The following RPL22L1 variants were observed in gnomAD, a reference collection of about 807,000 sequenced individuals.
RPL22L1 encodes the protein ribosomal protein eL22-like.
RPL22L1 carries 19 observed loss-of-function variants against 17.3 expected under a neutral mutation model. The observed-to-expected ratio is 1.10, with a 90% CI of 0.77 to 1.61. The LOEUF is 1.61. RPL22L1 is among the 40% of genes most tolerant of loss of function. The pLI is 0.00. For missense variants in RPL22L1, 139 were observed against 144.4 expected (o/e 0.96, Z 0.19); for synonymous variants, 48 against 48.5 (o/e 0.99, Z 0.05).
Position 170,866,399 on chromosome 3 carries a change from T to G in RPL22L1, c.350A>C (p.Glu117Ala). Residue 117 changes from glutamate (E) to alanine (A), a missense_variant, in exon 4 of 4, where the codon GAA (glutamate) becomes GCA (alanine). By Grantham distance (107) the Glu-to-Ala change is moderately radical. Coordinates refer to ENST00000295830, the MANE Select transcript of RPL22L1 (RefSeq NM_001099645.2). ...CTTTGCCTAGTCCTCCGACTCTGAT[T>G]CATCTTCATCTTGACTAATCTGGAA... ...RYFQISQDED[E>A]SESED is the part of the protein sequence containing the mutation. The G allele has an allele frequency of 6.2e-7, 1 of 1,606,168 alleles. No homozygotes were observed. Among genetic ancestry groups the G allele is most frequent in the South Asian group, 1.1e-5 (1 of 89,266 alleles).
chr3:170,870,059 A>C, intron 1 of RPL22L1, 100 bp downstream of exon 1: 2 of 1,559,726 alleles, frequency 1.3e-6, no homozygotes, highest in Non-Finnish European at 1.8e-6. Flanking sequence ...CCCTCCCTTT[A>C]TCTTGACTGA....
At position 170,868,129 on chromosome 3, in the gene RPL22L1, T is replaced by C. The variant is rs765988608; in HGVS notation, c.108A>G (p.Gln36=). 1.6e-5 allele frequency: 25 copies of C among 1,604,586 alleles called. No individual in the cohort carries two copies. Among genetic ancestry groups the C allele is most frequent in the East Asian group, 9.0e-5 (4 of 44,684 alleles). ...DGIFDSGNFE[Q]FLREKVKVNG... The stretch of plus-strand genomic sequence containing the variant: ...TGACTTTAACCTTCTCCCGTAGAAA[T>C]TGCTCCTATTTTAAAACAGAAAAAA... The change falls in exon 3 of 4, where the codon CAA becomes CAG. Residue 36 remains glutamine, a synonymous_variant. Coordinates refer to ENST00000295830, the MANE Select transcript of RPL22L1 (RefSeq NM_001099645.2).
At chr3:170,867,911 A>G (rs1711830615) in intron 3 of RPL22L1, 102 bp downstream of exon 3, 5 of 985,076 alleles carry the variant, frequency 5.1e-6, no homozygotes, top group Admixed American at 2.9e-5. Context: ...TCTAAAGTTC[A>G]TATTTATTCT....
intron 1 of RPL22L1, 123 bp from the exon 2 acceptor site, chr3:170,868,513 G>A (rs1711858001): frequency 1.7e-6 from 1 of 583,056 alleles, no homozygotes; most frequent in Non-Finnish European, 3.0e-6. Flanking sequence ...ATACAGAAAT[G>A]TAACAATAAA....
intron 3 of RPL22L1, among the ~76,000 whole-genome samples, chr3:170,867,493 C>T (rs576728491): frequency 6.6e-6 from 1 of 152,294 alleles, no homozygotes; most frequent in South Asian, 2.1e-4. Flanking sequence ...TTCACTCTCT[C>T]TTCTCCACTA....
chr3:170,868,823 A>G (rs1473972033), intron 1 of RPL22L1, among the ~76,000 whole-genome samples: 1 of 149,904 alleles, frequency 6.7e-6, no homozygotes, highest in Admixed American at 6.6e-5. Context: ...AAAAAAGAAA[A>G]GAAAAGAAAA....
At chr3:170,869,113 C>CA (rs35400944) in intron 1 of RPL22L1, among the ~76,000 whole-genome samples, 37,892 of 130,332 alleles carry the variant, frequency 0.29, 5,021 homozygotes, top group Middle Eastern at 0.38. Flanking sequence ...GACTCTGTCT[C>CA]AAAAAAAAAA....
chr3:170,870,075 C>T (rs1224642964), intron 1 of RPL22L1, 84 bp downstream of exon 1: 1 of 1,594,152 alleles, frequency 6.3e-7, no homozygotes. Flanking sequence ...ACTGAGACGT[C>T]TCCACTCGAC....
intron 3 of RPL22L1, 112 bp downstream of exon 3, chr3:170,867,901 T>C (rs1388792381): frequency 1.1e-6 from 1 of 906,626 alleles, no homozygotes; most frequent in East Asian, 2.7e-5. Flanking sequence ...AGGCCTTTAG[T>C]CTAAAGTTCA....
intron 3 of RPL22L1, among the ~76,000 whole-genome samples, chr3:170,866,962 T>C (rs1711792369): frequency 6.6e-6 from 1 of 152,210 alleles, no homozygotes; most frequent in African/African-American, 2.4e-5. Flanking sequence ...CTGAAAATTC[T>C]TGGGCTCTCT....
rs770542430 is a variant in RPL22L1 at position 170,866,383 on chromosome 3, G to A, written c.366C>T (p.Asp122=). ...GCCCTGTAAGGGGAGCCTTTGCCTAGTCCTCCGACTCTGATTCATCTTCAT... is the reference window on the plus strand; with the variant it reads ...GCCCTGTAAGGGGAGCCTTTGCCTAATCCTCCGACTCTGATTCATCTTCAT... ...SQDEDESESE[D] The change falls in exon 4 of 4, where the codon GAC becomes GAT. Residue 122 remains aspartate (D), a synonymous_variant. Transcript: ENST00000295830. The A allele has an allele frequency of 1.2e-6, 2 of 1,602,294 alleles. No individual in the cohort carries two copies. The highest frequency in any genetic ancestry group is 1.3e-5 in the African/African-American group (1 of 74,708).
In RPL22L1 at chr3:170,870,185, A is replaced by G. The variant is rs1711944625; in HGVS notation, c.-18T>C. 6.2e-7 allele frequency: 1 copy of G among 1,613,604 alleles called. No homozygotes were observed. The highest frequency in any genetic ancestry group is 1.3e-5 in the African/African-American group (1 of 74,812). The stretch of plus-strand genomic sequence containing the variant: ...GGCGCCATCTTGCGAGTCGGCCGCG[A>G]GAGCAGAGAGGAAGCTACGGCCGCG... On this transcript the variant is annotated 5_prime_UTR_variant, in exon 1 of 4. Coordinates refer to ENST00000295830, the MANE Select transcript of RPL22L1 (RefSeq NM_001099645.2).
In RPL22L1 at chr3:170,865,377, T is replaced by C. The variant is rs1439603892; in HGVS notation, c.*1003A>G. ...ACAAAAAGGCACATCATTCTTGTCC[T>C]CCCTAATCTCCTGCAGTATGGATTT... On this transcript the variant is annotated 3_prime_UTR_variant, in exon 4 of 4. Coordinates refer to ENST00000295830, the MANE Select transcript of RPL22L1 (RefSeq NM_001099645.2). 1.3e-5 allele frequency: 2 copies of C among 152,200 alleles called. No homozygotes were observed. Among genetic ancestry groups the C allele is most frequent in the Admixed American group, 1.3e-4 (2 of 15,276 alleles). The allele number at this position is 152,200 out of a possible 1,614,324, so 9.4% of individuals were successfully genotyped here. A position where few individuals can be genotyped will look rare whatever the true frequency, so the allele number is the denominator to read the frequency against.
chr3:170,867,052 GCTA>G (rs1020712677), intron 3 of RPL22L1, among the ~76,000 whole-genome samples: 16 of 152,024 alleles, frequency 1.1e-4, no homozygotes, highest in East Asian at 1.9e-4. Flanking sequence ...AGCTACTACA[GCTA>G]CTACATTTTT....
intron 3 of RPL22L1, among the ~76,000 whole-genome samples, chr3:170,867,385 T>A (rs1007613472): frequency 3.9e-5 from 6 of 152,160 alleles, no homozygotes; most frequent in African/African-American, 1.4e-4. Context: ...AAGGCTCACT[T>A]CTGCATTTCA....
In RPL22L1 at chr3:170,870,086, A is replaced by G. The variant is rs1711938129; in HGVS notation, c.9+73T>C. The G allele has an allele frequency of 1.9e-6, 3 of 1,608,946 alleles. No homozygotes were observed. In the South Asian group the frequency reaches 3.3e-5, roughly 18 times the overall value. ...CTTGACTGAGACGTCTCCACTCGAC[A>G]GATGCAAAAATCGTTACAGCGGAAA... On this transcript the variant is annotated intron_variant, in intron 1 of 3. Coordinates refer to ENST00000295830, the MANE Select transcript of RPL22L1 (RefSeq NM_001099645.2).
Position 170,866,345 on chromosome 3 carries a change from A to G in RPL22L1, c.*35T>C, listed in dbSNP as rs911836927. Reference sequence around the variant, plus strand: ...TTCTCATGTATACTTCATTTATTTTATTAATAAGCAAAGCCCTGTAAGGGG... The same window carrying G: ...TTCTCATGTATACTTCATTTATTTTGTTAATAAGCAAAGCCCTGTAAGGGG... On this transcript the variant is annotated 3_prime_UTR_variant, in exon 4 of 4. Transcript: ENST00000295830. 3.0e-5 allele frequency: 46 copies of G among 1,516,724 alleles called. No individual in the cohort carries two copies. The highest frequency in any genetic ancestry group is 4.0e-5 in the Non-Finnish European group (45 of 1,127,892). 94.0% of individuals were successfully genotyped at this position (1,516,724 alleles called of 1,614,324 possible).
chr3:170,867,116 CTT>C (rs66571603), intron 3 of RPL22L1, among the ~76,000 whole-genome samples: 46,246 of 152,028 alleles, frequency 0.3, 7,666 homozygotes, highest in Non-Finnish European at 0.38. Flanking sequence ...ACTGCAACCA[CTT>C]TAGTCCAAGC....
intron 3 of RPL22L1, among the ~76,000 whole-genome samples, chr3:170,867,464 A>C (rs749810497): frequency 3.3e-5 from 5 of 151,534 alleles, no homozygotes; most frequent in Non-Finnish European, 5.9e-5. Context: ...AGCACTTATC[A>C]CTGCTTGATT....
Sources: allele counts gnomAD v4.1 joint callset (sites outside exome capture counted in the v4.1 genomes callset), GRCh38; gene constraint gnomAD v4.1.1; transcripts MANE v1.5; gene names NCBI Gene and HGNC (gene_info 2026-07-23, HGNC 2026-07-21).